Variants in NECTIN1 observed in about 807,000 individuals in gnomAD.
The protein encoded by NECTIN1 is nectin-1.
A neutral mutation model predicts 48.0 loss-of-function variants in NECTIN1; 23 were observed. The observed-to-expected ratio is 0.48, with a 90% CI of 0.34 to 0.68. The LOEUF (loss-of-function observed/expected upper bound fraction) is 0.68, where lower values mean the gene tolerates loss of function less well. NECTIN1 is among the 30% of genes least tolerant of loss of function. NECTIN1 has a pLI of 0.01. For synonymous variants in NECTIN1, 270 were observed against 288.9 expected, an observed-to-expected ratio of 0.93 and a Z score of 0.66; for missense variants, 591 against 709.9, an observed-to-expected ratio of 0.83 and a Z score of 1.90.
intron 1 of NECTIN1, among the ~76,000 whole-genome samples, chr11:119,717,449 G>A (rs1203325280): frequency 6.6e-6 from 1 of 152,186 alleles, no homozygotes; most frequent in African/African-American, 2.4e-5. Context: ...CACCCTGCCC[G>A]GGAAGGGAGA....
chr11:119,656,752 G>A (rs1864580557), downstream of NECTIN1, among the ~76,000 whole-genome samples: 2 of 152,328 alleles, frequency 1.3e-5, no homozygotes, highest in African/African-American at 4.8e-5. Flanking sequence ...CACAGGCCCT[G>A]CCACCCTCCC....
chr11:119,709,315 C>T lies in NECTIN1; in HGVS notation c.79+19160G>A, dbSNP rs751033172. Among the ~76,000 whole-genome samples, 1 of 152,298 alleles carries T rather than the reference C, an allele frequency of 6.6e-6. No individual in the cohort carries two copies. Among genetic ancestry groups the T allele is most frequent in the East Asian group, 1.9e-4 (1 of 5,186 alleles). The stretch of plus-strand genomic sequence containing the variant: ...CAGTGTACCAGGGCCTGTCTCAGCC[C>T]CTGAGAATCTGGGATCACCAGCTCC... On this transcript the variant is annotated intron_variant, in intron 1 of 5. Transcript: ENST00000264025. This position sits in a 1 kb window ranked among gnomAD's most constrained non-coding sequence, Gnocchi z 4.1.
rs577414799 is a variant in NECTIN1, at chr11:119,664,056, G to A, written c.*691C>T. 15 of 985,608 alleles carry A rather than the reference G, an allele frequency of 1.5e-5. No individual in the cohort carries two copies. Among genetic ancestry groups the A allele is most frequent in the South Asian group, 9.4e-5 (2 of 21,280 alleles). The allele number at this position is 985,608 out of a possible 1,614,324, so 61.1% of individuals were successfully genotyped here. ...CACATTGGGGATAAAGAGGGGACGC[G>A]TCAGAGCTAGGCCAACTCCACTCTC... On this transcript the variant is annotated 3_prime_UTR_variant, in exon 6 of 6. Coordinates refer to ENST00000264025, the MANE Select transcript of NECTIN1 (RefSeq NM_002855.5).
intron 4 of NECTIN1, 116 bp from the exon 5 acceptor site, chr11:119,675,426 A>AC: frequency 3.0e-6 from 3 of 1,008,506 alleles, no homozygotes; most frequent in Non-Finnish European, 4.7e-6. Context: ...TGTGTGGTAG[A>AC]GTCTGTCTTT....
At chr11:119,682,269 A>G (rs1865072193) in intron 1 of NECTIN1, among the ~76,000 whole-genome samples, 1 of 152,104 alleles carries the variant, frequency 6.6e-6, no homozygotes, top group Non-Finnish European at 1.5e-5. Context: ...AGAAAGAAAG[A>G]GCTGGATGGG....
intron 1 of NECTIN1, among the ~76,000 whole-genome samples, chr11:119,722,781 A>G (rs1348660135): frequency 2.0e-5 from 3 of 152,230 alleles, no homozygotes; most frequent in African/African-American, 7.2e-5. Flanking sequence ...TCTCAAGGGA[A>G]CACGAGTAGC....
chr11:119,664,394 C>CG lies in NECTIN1; in HGVS notation c.*352dup. The CG allele has an allele frequency of 9.3e-7, 1 of 1,075,634 alleles. No homozygotes were observed. The highest frequency in any genetic ancestry group is 6.5e-5 in the East Asian group (1 of 15,272). The allele number at this position is 1,075,634 out of a possible 1,614,324, so 66.6% of individuals were successfully genotyped here. Reference sequence around the variant, plus strand: ...ACAAACAAATTCCAGTGTAGGGGGGCGGGGGAGGCTGGCTCCCCAAACCCT... The same window carrying CG: ...ACAAACAAATTCCAGTGTAGGGGGGCGGGGGGAGGCTGGCTCCCCAAACCCT... On this transcript the variant is annotated 3_prime_UTR_variant, in exon 6 of 6. Coordinates refer to ENST00000264025, the MANE Select transcript of NECTIN1 (RefSeq NM_002855.5).
At chr11:119,702,549 T>C (rs10892433) in intron 1 of NECTIN1, among the ~76,000 whole-genome samples, 93,222 of 152,038 alleles carry the variant, frequency 0.61, 28,912 homozygotes, top group South Asian at 0.67. Context: ...ACTTGCCCCC[T>C]TCTAGTCCTA....
intron 1 of NECTIN1, among the ~76,000 whole-genome samples, chr11:119,680,490 G>C (rs911754840): frequency 6.6e-6 from 1 of 152,192 alleles, no homozygotes; most frequent in Non-Finnish European, 1.5e-5. Flanking sequence ...CACCTCCTCA[G>C]CGTGACGGGG....
rs190096510 is a variant in NECTIN1 at position 119,687,966 on chromosome 11, G to T, written c.80-9201C>A. 8.7e-4 allele frequency among the ~76,000 whole-genome samples: 132 copies of T among 152,310 alleles called. 1 individual carries two copies. Among genetic ancestry groups the T allele is most frequent in the Admixed American group, 8.5e-4 (13 of 15,310 alleles). On this transcript the variant is annotated intron_variant, in intron 1 of 5. Coordinates refer to ENST00000264025, the MANE Select transcript of NECTIN1 (RefSeq NM_002855.5). ...GAACACTCATTCTAATAGGGATGGGGTGGGAGTTCTAGGGGTTGTGTAGAA... is the reference window on the plus strand; with the variant it reads ...GAACACTCATTCTAATAGGGATGGGTTGGGAGTTCTAGGGGTTGTGTAGAA...
At position 119,664,967 on chromosome 11, in the gene NECTIN1, C is replaced by CCCTCCTCCT. The variant is rs137909701; in HGVS notation, c.1325_1333dup (p.Glu442_Glu444dup). The CCCTCCTCCT allele has an allele frequency of 1.2e-5, 19 of 1,610,508 alleles. No homozygotes were observed. Among genetic ancestry groups the CCCTCCTCCT allele is most frequent in the Non-Finnish European group, 1.6e-5 (19 of 1,177,668 alleles). Reference sequence around the variant, plus strand: ...CACCTTGCGCTCGCCCCCTCCACCGCCCTCCTCCTCCTCCTCCTCCTCCTC... The same window carrying CCCTCCTCCT: ...CACCTTGCGCTCGCCCCCTCCACCGCCCTCCTCCTCCTCCTCCTCCTCCTCCTCCTCCTC... On this transcript the variant is annotated inframe_insertion, in exon 6 of 6. Transcript: ENST00000264025.
At chr11:119,694,273 T>C (rs1865308218) in intron 1 of NECTIN1, among the ~76,000 whole-genome samples, 1 of 152,328 alleles carries the variant, frequency 6.6e-6, no homozygotes, top group South Asian at 2.1e-4. Flanking sequence ...AGGAGTGATC[T>C]GAGCCTGGAT....
intron 1 of NECTIN1, among the ~76,000 whole-genome samples, chr11:119,707,310 C>T (rs911320204): frequency 6.6e-6 from 1 of 152,214 alleles, no homozygotes; most frequent in Non-Finnish European, 1.5e-5. Flanking sequence ...CTGGCTCTCA[C>T]TTGCCTTGGG....
chr11:119,646,266 C>T (rs1466390642), intron 5 of NECTIN1, among the ~76,000 whole-genome samples: 2 of 152,222 alleles, frequency 1.3e-5, no homozygotes, highest in African/African-American at 4.8e-5. Flanking sequence ...GCAGTCCTGC[C>T]CTCTTTCCTC....
chr11:119,675,882 T>G (rs923169098), intron 4 of NECTIN1, among the ~76,000 whole-genome samples: 5 of 152,108 alleles, frequency 3.3e-5, no homozygotes, highest in African/African-American at 1.2e-4. Context: ...GGTGCACGCC[T>G]GTAGTCCCAG....
rs189502389 is a variant in NECTIN1 at position 119,654,740 on chromosome 11, T to G, written c.1004-14728A>C. On this transcript the variant is annotated intron_variant, in intron 5 of 7. Transcript: ENST00000341398. ...GTGCCCACCACCATGCCCAGCTAAT[T>G]TGTGTATTTTTAGTAGAGATGGGGT... Among the ~76,000 whole-genome samples the G allele has an allele frequency of 3.1e-3, 470 of 151,916 alleles. 2 individuals carry two copies. The highest frequency in any genetic ancestry group is 4.6e-3 in the Non-Finnish European group (316 of 67,974).
At chr11:119,692,230 C>G (rs1469883276) in intron 1 of NECTIN1, among the ~76,000 whole-genome samples, 1 of 152,256 alleles carries the variant, frequency 6.6e-6, no homozygotes, top group Admixed American at 6.5e-5. Context: ...CGTGCCAGGG[C>G]CTGCTCCGCA....
intron 1 of NECTIN1, among the ~76,000 whole-genome samples, chr11:119,726,267 G>A (rs1865905668): frequency 1.3e-5 from 2 of 152,162 alleles, no homozygotes; most frequent in African/African-American, 4.8e-5. Flanking sequence ...GCAAAGTAGG[G>A]TGTGGGCTTG....
chr11:119,639,545 ATTAT>A (rs953297535), intron 6 of NECTIN1: 33 of 439,578 alleles, frequency 7.5e-5, no homozygotes, highest in African/African-American at 5.0e-4. Context: ...ACTCTTGCAA[ATTAT>A]TTAACCTCTC....
Sources: allele counts gnomAD v4.1 joint callset (sites outside exome capture counted in the v4.1 genomes callset), GRCh38; gene constraint gnomAD v4.1.1; non-coding constraint Gnocchi (gnomAD v3.1); transcripts MANE v1.5; gene names NCBI Gene and HGNC (gene_info 2026-07-23, HGNC 2026-07-21).